ASIC5: variants seen among roughly 807,000 people sequenced by gnomAD.
ASIC5 encodes the protein acid sensing ion channel subunit family member 5.
ASIC5 carries 52 observed loss-of-function variants against 51.2 expected under a neutral mutation model. That is an observed-to-expected ratio of 1.02 (90% CI 0.81 to 1.28). The LOEUF (loss-of-function observed/expected upper bound fraction) is 1.28, where lower values mean the gene tolerates loss of function less well. Ranked by LOEUF, ASIC5 falls within the 50% of genes most tolerant of loss-of-function variation. ASIC5 has a pLI of 0.00. For synonymous variants in ASIC5, 231 were observed against 200.7 expected (o/e 1.15, Z -1.28); for missense variants, 635 against 595.0 (o/e 1.07, Z -0.70).
intron 2 of ASIC5, among the ~76,000 whole-genome samples, chr4:155,861,709 C>CT (rs1214093750): frequency 2.0e-5 from 3 of 151,984 alleles, no homozygotes; most frequent in Non-Finnish European, 4.4e-5. Flanking sequence ...TGCCGTTTTA[C>CT]TTTTTGTTTT....
At position 155,830,966 on chromosome 4, in the gene ASIC5, C is replaced by T. The variant is rs1740858897; in HGVS notation, c.1327+858G>A. 2.0e-5 allele frequency among the ~76,000 whole-genome samples: 3 copies of T among 152,172 alleles called. No individual in the cohort carries two copies. In the South Asian group the frequency reaches 6.2e-4, roughly 31 times the overall value. On this transcript the variant is annotated intron_variant, in intron 9 of 9. Coordinates refer to ENST00000537611, the MANE Select transcript of ASIC5 (RefSeq NM_017419.3). ...CAAATTTACATATTTCCTCCATATT[C>T]AGGGTCTCAGCTGTGATGTCTGACT...
In ASIC5 at chr4:155,842,246, T is replaced by C; in HGVS notation, c.970A>G (p.Ile324Val). 5.0e-6 allele frequency: 8 copies of C among 1,613,726 alleles called. No homozygotes were observed. Among genetic ancestry groups the C allele is most frequent in the Non-Finnish European group, 6.8e-6 (8 of 1,179,746 alleles). The change falls in exon 6 of 10, where the codon ATA becomes GTA. Residue 324 changes from isoleucine (I) to valine (V), a missense_variant. Physicochemically the swap from Ile to Val is conservative, Grantham distance 29. Transcript: ENST00000537611. ...GCLKECKAQH[I>V]KKQCGCVPFL... is the part of the protein sequence containing the mutation. ...GGCACACATCCACATTGCTTTTTTA[T>C]GTGCTGGGCTTTGCATTCCTTCAAG...
chr4:155,834,652 G>A (rs1473722342), intron 8 of ASIC5, among the ~76,000 whole-genome samples: 5 of 152,044 alleles, frequency 3.3e-5, no homozygotes, highest in East Asian at 3.9e-4. Flanking sequence ...AGAAGAGGGC[G>A]GTTCCCTGGC....
rs753182685 is a variant in ASIC5 at position 155,866,170 on chromosome 4, G to A, written c.40+17C>T. The A allele has an allele frequency of 6.5e-7, 1 of 1,544,398 alleles. No homozygotes were observed. The highest frequency in any genetic ancestry group is 8.9e-7 in the Non-Finnish European group (1 of 1,118,962). The stretch of plus-strand genomic sequence containing the variant: ...ATGAAAAATATTACTGCTCTGAGGA[G>A]TTCACTCTTTACTCACCGTTCTCAG... On this transcript the variant is annotated intron_variant, in intron 1 of 9. Coordinates refer to ENST00000537611, the MANE Select transcript of ASIC5 (RefSeq NM_017419.3).
Position 155,863,654 on chromosome 4 carries a change from A to T in ASIC5, c.141T>A (p.Phe47Leu). The T allele has an allele frequency of 6.2e-7, 1 of 1,613,912 alleles. No individual in the cohort carries two copies. The highest frequency in any genetic ancestry group is 8.5e-7 in the Non-Finnish European group (1 of 1,179,916). Residue 47 changes from phenylalanine to leucine, a missense_variant, in exon 2 of 10, where the codon TTT (phenylalanine) becomes TTA (leucine). Transcript: ENST00000537611. ...TCTGAACAATATTGTGTATCCCATGAAAGGAAGTGGAGATGGCAAAGTCAT... is the reference window on the plus strand; with the variant it reads ...TCTGAACAATATTGTGTATCCCATGTAAGGAAGTGGAGATGGCAAAGTCAT... Reference protein sequence around the residue: ...FDHDFAISTSFHGIHNIVQNR... With the variant: ...FDHDFAISTSLHGIHNIVQNR...
chr4:155,862,310 T>C (rs1180070764), intron 2 of ASIC5, among the ~76,000 whole-genome samples: 3 of 152,104 alleles, frequency 2.0e-5, no homozygotes, highest in Non-Finnish European at 4.4e-5. Flanking sequence ...ACATCTATTA[T>C]ATATTGAACA....
intron 2 of ASIC5, among the ~76,000 whole-genome samples, chr4:155,860,431 G>T (rs1741672601): frequency 6.6e-6 from 1 of 151,704 alleles, no homozygotes; most frequent in South Asian, 2.1e-4. Flanking sequence ...AAGATCATTG[G>T]CTCTGAGAAC....
chr4:155,832,039 GTTAATA>G, intron 8 of ASIC5, 124 bp from the exon 9 acceptor site: 1 of 536,862 alleles, frequency 1.9e-6, no homozygotes, highest in Non-Finnish European at 3.4e-6. Context: ...ACACAGAATT[GTTAATA>G]TTAATCACAA....
In ASIC5 at chr4:155,834,712, C is replaced by T. The variant is rs114671958; in HGVS notation, c.1235+1977G>A. On this transcript the variant is annotated intron_variant, in intron 8 of 9. Transcript: ENST00000537611. ...ACCCGTGGCCCTAAATGAGAACAGG[C>T]ATTTCTGTTTTTGCATCCAAAAAGT... Among the ~76,000 whole-genome samples, 562 of 152,262 alleles carry T rather than the reference C, an allele frequency of 3.7e-3. 4 individuals are homozygous for T. Among genetic ancestry groups the T allele is most frequent in the African/African-American group, 0.013 (540 of 41,558 alleles).
intron 8 of ASIC5, 59 bp downstream of exon 8, chr4:155,836,630 C>T: frequency 9.6e-7 from 1 of 1,042,438 alleles, no homozygotes; most frequent in Non-Finnish European, 1.3e-6. Flanking sequence ...TGAGGGTTTT[C>T]AATAAAGAAA....
At chr4:155,858,551 A>G (rs1741606725) in intron 2 of ASIC5, among the ~76,000 whole-genome samples, 1 of 152,170 alleles carries the variant, frequency 6.6e-6, no homozygotes, top group South Asian at 2.1e-4. Flanking sequence ...TTAGAGGTTT[A>G]TTTTGCTAAG....
At chr4:155,852,091 C>T (rs1741393516) in intron 4 of ASIC5, 100 bp downstream of exon 4, 1 of 1,290,948 alleles carries the variant, frequency 7.7e-7, no homozygotes, top group Non-Finnish European at 1.1e-6. Context: ...GAAATAATAT[C>T]CAATGTGTGG....
intron 2 of ASIC5, among the ~76,000 whole-genome samples, chr4:155,856,165 G>A (rs1204265454): frequency 2.0e-5 from 3 of 151,866 alleles, no homozygotes; most frequent in Non-Finnish European, 2.9e-5. Flanking sequence ...CTCTGTATCC[G>A]GTTGGGATGT....
At chr4:155,854,381 C>A in intron 2 of ASIC5, 67 bp from the exon 3 acceptor site, 2 of 1,084,188 alleles carry the variant, frequency 1.8e-6, no homozygotes, top group Non-Finnish European at 2.8e-6. Context: ...AGACAGATAC[C>A]AACATCTAGA....
rs759228338 is a variant in ASIC5 at position 155,836,834 on chromosome 4, A to C, written c.1090T>G (p.Cys364Gly). The C allele has an allele frequency of 2.5e-6, 4 of 1,600,840 alleles. No homozygotes were observed. Among genetic ancestry groups the C allele is most frequent in the Admixed American group, 3.4e-5 (2 of 59,030 alleles). ...VLDHIEFKDL[C>G]TVGTHNSSCP... ...CTAGAGTTATGTGTTCCTACTGTAC[A>C]TAAATCCTTAAATTCAATGTGGTCT... The change falls in exon 8 of 10, where the codon TGT (cysteine) becomes GGT (glycine). Residue 364 changes from cysteine to glycine, a missense_variant. Transcript: ENST00000537611.
intron 2 of ASIC5, 95 bp from the exon 3 acceptor site, chr4:155,854,409 T>A (rs1173558665): frequency 1.1e-6 from 1 of 888,192 alleles, no homozygotes; most frequent in Admixed American, 2.2e-5. Context: ...AGCTTCTTCT[T>A]ATCTCCCACA....
At chr4:155,863,814 T>G (rs1420794316) in intron 1 of ASIC5, 60 bp from the exon 2 acceptor site, 10 of 1,381,754 alleles carry the variant, frequency 7.2e-6, no homozygotes, top group Non-Finnish European at 8.8e-6. Flanking sequence ...ACCTTAATGC[T>G]ATCCGTAAAA....
intron 8 of ASIC5, among the ~76,000 whole-genome samples, chr4:155,833,693 A>C (rs1740919379): frequency 6.6e-6 from 1 of 152,190 alleles, no homozygotes; most frequent in Non-Finnish European, 1.5e-5. Flanking sequence ...TTAATTTCCC[A>C]AGCACAACAT....
chr4:155,833,174 G>A (rs1401539527), intron 8 of ASIC5, among the ~76,000 whole-genome samples: 2 of 152,106 alleles, frequency 1.3e-5, no homozygotes, highest in African/African-American at 4.8e-5. Context: ...TTAGATATAT[G>A]TAAAATGGAC....
Sources: allele counts gnomAD v4.1 joint callset (sites outside exome capture counted in the v4.1 genomes callset), GRCh38; gene constraint gnomAD v4.1.1; transcripts MANE v1.5; gene names NCBI Gene and HGNC (gene_info 2026-07-23, HGNC 2026-07-21).